The following CDH12 variants were observed in gnomAD, a reference collection of about 807,000 sequenced individuals.
CDH12 encodes cadherin 12, also known as cadherin-12.
CDH12 carries 41 observed loss-of-function variants against 74.1 expected under a neutral mutation model. The observed-to-expected ratio is 0.55, with a 90% CI of 0.43 to 0.72. CDH12 has a LOEUF of 0.72. CDH12 is among the 30% of genes least tolerant of loss of function. The pLI is 0.00. For synonymous variants in CDH12, 399 were observed against 355.0 expected (o/e 1.12, Z -1.39); for missense variants, 945 against 977.2 (o/e 0.97, Z 0.44).
At chr5:22,771,836 A>G (rs1048269358) in intron 1 of CDH12, among the ~76,000 whole-genome samples, 1 of 152,092 alleles carries the variant, frequency 6.6e-6, no homozygotes, top group Non-Finnish European at 1.5e-5. Context: ...TGCCTGCTGG[A>G]CTACTCTGTA....
chr5:22,621,370 C>T (rs1018762951), intron 1 of CDH12, among the ~76,000 whole-genome samples: 1 of 152,088 alleles, frequency 6.6e-6, no homozygotes, highest in East Asian at 1.9e-4. Context: ...TGCTGTTGTT[C>T]TGCCTAGCAA....
At position 22,763,719 on chromosome 5, in the gene CDH12, A is replaced by G. The variant is rs892912961; in HGVS notation, c.-523+89339T>C. On this transcript the variant is annotated intron_variant, in intron 1 of 14. Transcript: ENST00000382254. ...CATCATGCGAAAATGTTCACTTGCT[A>G]CAGTGTTTCCAAGTTTAAATAAAGT... Among the ~76,000 whole-genome samples, 6 of 151,960 alleles carry G rather than the reference A, an allele frequency of 3.9e-5. No individual in the cohort carries two copies. In the South Asian group the frequency reaches 6.2e-4, roughly 16 times the overall value.
chr5:22,668,999 T>G (rs915716110), intron 1 of CDH12, among the ~76,000 whole-genome samples: 2 of 152,152 alleles, frequency 1.3e-5, no homozygotes, highest in Non-Finnish European at 2.9e-5. Context: ...AGTATTTACT[T>G]TCACTTGAGG....
intron 1 of CDH12, among the ~76,000 whole-genome samples, chr5:22,759,200 A>G (rs1427979329): frequency 6.6e-6 from 1 of 151,620 alleles, no homozygotes; most frequent in African/African-American, 2.4e-5. Flanking sequence ...CAGTCTCAGA[A>G]AAAAAAAACA....
intron 5 of CDH12, among the ~76,000 whole-genome samples, chr5:22,035,178 C>A (rs961485467): frequency 1.3e-5 from 2 of 152,058 alleles, no homozygotes; most frequent in African/African-American, 4.8e-5. Context: ...TCCCTGTCTT[C>A]ATTCACCATG....
chr5:22,554,295 G>T (rs1243356950), intron 1 of CDH12, among the ~76,000 whole-genome samples: 1 of 152,010 alleles, frequency 6.6e-6, no homozygotes, highest in Non-Finnish European at 1.5e-5. Context: ...GAACCCTAAT[G>T]GGAAACTATC....
chr5:22,811,599 A>G (rs1308471530), intron 1 of CDH12, among the ~76,000 whole-genome samples: 1 of 152,228 alleles, frequency 6.6e-6, no homozygotes, highest in East Asian at 1.9e-4. Context: ...TGACTTAACA[A>G]AAGAAAATGC....
intron 6 of CDH12, among the ~76,000 whole-genome samples, chr5:21,863,848 A>T (rs375150014): frequency 7.9e-5 from 12 of 152,140 alleles, no homozygotes; most frequent in African/African-American, 2.9e-4. Context: ...GTTTCTCAGA[A>T]CTGATGCATG....
chr5:22,417,926 A>AATTAC (rs1743469468), intron 2 of CDH12, among the ~76,000 whole-genome samples: 2 of 152,186 alleles, frequency 1.3e-5, no homozygotes, highest in Non-Finnish European at 2.9e-5. Flanking sequence ...GGGATACCAT[A>AATTAC]CATGGGTTAC....
In CDH12 at chr5:22,255,921, C is replaced by A. The variant is rs556796770; in HGVS notation, c.-332-43278G>T. 1.1e-4 allele frequency among the ~76,000 whole-genome samples: 16 copies of A among 152,094 alleles called. No homozygotes were observed. In the South Asian group the frequency reaches 3.3e-3, roughly 32 times the overall value. On this transcript the variant is annotated intron_variant, in intron 3 of 14. Coordinates refer to ENST00000382254, the MANE Select transcript of CDH12 (RefSeq NM_004061.5). ...AAGTAAATAGGTAACCGAGTTGTTT[C>A]TTGCATTTCATTACCTGAAATGAAT...
chr5:21,964,085 C>A (rs1458865303), intron 6 of CDH12, among the ~76,000 whole-genome samples: 1 of 151,718 alleles, frequency 6.6e-6, no homozygotes, highest in Non-Finnish European at 1.5e-5. Flanking sequence ...ACTCTAAATC[C>A]CCATAGGAGA....
At chr5:22,818,941 T>C (rs558405690) in intron 1 of CDH12, among the ~76,000 whole-genome samples, 3 of 152,282 alleles carry the variant, frequency 2.0e-5, no homozygotes, top group African/African-American at 4.8e-5. Flanking sequence ...GTAAATAATA[T>C]GTGTTTTGTG....
At chr5:22,089,082 C>T (rs983163650) in intron 4 of CDH12, among the ~76,000 whole-genome samples, 4 of 152,164 alleles carry the variant, frequency 2.6e-5, no homozygotes, top group South Asian at 2.1e-4. Context: ...GCTGTTTACA[C>T]TGACATTAGA....
At chr5:21,963,973 G>A (rs1756472220) in intron 6 of CDH12, among the ~76,000 whole-genome samples, 2 of 151,832 alleles carry the variant, frequency 1.3e-5, no homozygotes. Flanking sequence ...ATGTATTCTT[G>A]GAAAGAGATG....
At chr5:21,851,576 G>T (rs1750471294) in intron 7 of CDH12, among the ~76,000 whole-genome samples, 1 of 151,042 alleles carries the variant, frequency 6.6e-6, no homozygotes, top group Admixed American at 6.6e-5. Flanking sequence ...CATTTTGAGT[G>T]TTTTAAATGT....
chr5:21,898,375 C>G (rs1007664605), intron 6 of CDH12, among the ~76,000 whole-genome samples: 1 of 151,976 alleles, frequency 6.6e-6, no homozygotes, highest in Non-Finnish European at 1.5e-5. Flanking sequence ...AGGCATGTAC[C>G]GCTGCACTCA....
intron 1 of CDH12, among the ~76,000 whole-genome samples, chr5:22,548,373 C>T (rs1043354516): frequency 1.3e-5 from 2 of 152,166 alleles, no homozygotes; most frequent in African/African-American, 4.8e-5. Context: ...CTCCACTACC[C>T]TGTGTGGCTT....
chr5:21,880,624 T>TTTCTTTCC (rs1752267238), intron 6 of CDH12, among the ~76,000 whole-genome samples: 1 of 33,806 alleles, frequency 3.0e-5, no homozygotes, highest in Non-Finnish European at 6.0e-5. Flanking sequence ...TCCTTCTTTC[T>TTTCTTTCC]TTCTTTCTTT....
chr5:22,314,941 C>CTGTTTT (rs1738552041), intron 3 of CDH12, among the ~76,000 whole-genome samples: 1 of 67,770 alleles, frequency 1.5e-5, no homozygotes, highest in Non-Finnish European at 2.5e-5. Flanking sequence ...CTGGGTTGGT[C>CTGTTTT]TTTTTTTTTT....
Sources: gnomAD v4.1 joint callset for allele counts (sites outside exome capture counted in the v4.1 genomes callset) on GRCh38, gnomAD v4.1.1 for gene constraint, MANE v1.5 for transcripts, NCBI Gene and HGNC (gene_info 2026-07-23, HGNC 2026-07-21) for gene names.